CACNA2D3: variants seen among roughly 807,000 people sequenced by gnomAD.
CACNA2D3 encodes calcium voltage-gated channel auxiliary subunit alpha2delta 3.
In CACNA2D3, 60 loss-of-function variants were observed where a neutral mutation model predicts 160.6. That is an observed-to-expected ratio of 0.37 (90% CI 0.30 to 0.46). CACNA2D3 has a LOEUF of 0.46. Ranked by LOEUF, CACNA2D3 falls within the 20% of genes least tolerant of loss-of-function variation. The probability of loss-of-function intolerance (pLI) is 1.00; values close to 1 mark genes in which losing one functional copy is unlikely to be tolerated. For synonymous variants in CACNA2D3, 558 were observed against 492.9 expected (o/e 1.13, Z -1.75); for missense variants, 1,205 against 1,365.0 (o/e 0.88, Z 1.85).
chr3:54,240,265 C>T (rs1575337268), intron 2 of CACNA2D3, among the ~76,000 whole-genome samples: 1 of 151,986 alleles, frequency 6.6e-6, no homozygotes, highest in Non-Finnish European at 1.5e-5. Context: ...ATAGGAGCCA[C>T]CAAAGGGGCT....
intron 5 of CACNA2D3, among the ~76,000 whole-genome samples, chr3:54,505,140 CT>C (rs1291390112): frequency 6.6e-6 from 1 of 152,132 alleles, no homozygotes; most frequent in Non-Finnish European, 1.5e-5. Context: ...GTTATCCATC[CT>C]TAAGAGTCAG....
intron 2 of CACNA2D3, among the ~76,000 whole-genome samples, chr3:54,141,081 G>A (rs1286182696): frequency 1.2e-4 from 15 of 122,632 alleles, no homozygotes; most frequent in Non-Finnish European, 2.2e-4. Context: ...GTGTGTGTGT[G>A]TGTGTGCGCG....
chr3:54,867,246 G>T (rs1265192669), intron 17 of CACNA2D3, among the ~76,000 whole-genome samples: 1 of 152,092 alleles, frequency 6.6e-6, no homozygotes, highest in African/African-American at 2.4e-5. Flanking sequence ...TTGGACATAT[G>T]AGAATTTAGT....
intron 21 of CACNA2D3, among the ~76,000 whole-genome samples, chr3:54,881,119 T>A (rs1699786862): frequency 6.6e-6 from 1 of 152,208 alleles, no homozygotes; most frequent in African/African-American, 2.4e-5. Context: ...TCCACAAAGC[T>A]GTTGACTATG....
At chr3:54,643,847 ATG>A (rs1435100634) in intron 11 of CACNA2D3, among the ~76,000 whole-genome samples, 3 of 152,186 alleles carry the variant, frequency 2.0e-5, no homozygotes, top group African/African-American at 7.2e-5. Context: ...ATAAGTAAAC[ATG>A]AGTAGGGCCA....
chr3:54,190,243 G>C (rs952267554), intron 2 of CACNA2D3, among the ~76,000 whole-genome samples: 7 of 152,172 alleles, frequency 4.6e-5, no homozygotes, highest in African/African-American at 2.4e-5. Context: ...CATGAATTTC[G>C]GGGGCACACA....
chr3:54,194,067 C>T (rs1338674793), intron 2 of CACNA2D3, among the ~76,000 whole-genome samples: 8 of 149,616 alleles, frequency 5.3e-5, no homozygotes, highest in Non-Finnish European at 7.4e-5. Context: ...TACGAGGGGG[C>T]GGGAAGGGTG....
At chr3:54,971,488 G>A (rs1415106067) in intron 29 of CACNA2D3, among the ~76,000 whole-genome samples, 1 of 152,166 alleles carries the variant, frequency 6.6e-6, no homozygotes, top group Admixed American at 6.5e-5. Flanking sequence ...TTGTACAGAT[G>A]GTTGGACGGG....
chr3:54,911,775 G>A (rs1052572322), intron 27 of CACNA2D3, among the ~76,000 whole-genome samples: 2 of 152,068 alleles, frequency 1.3e-5, no homozygotes, highest in African/African-American at 4.8e-5. Context: ...GTAATATCAT[G>A]TCACTCTTCT....
intron 9 of CACNA2D3, chr3:54,626,684 C>CAAAAAAAAAAAAAA (rs71096430): frequency 3.4e-4 from 108 of 318,148 alleles, no homozygotes; most frequent in South Asian, 4.1e-4. Context: ...TGGTTCCAGT[C>CAAAAAAAAAAAAAA]AAAAAAAAAA....
rs572784974 is a variant in CACNA2D3 at position 54,249,178 on chromosome 3, C to T, written c.205-71264C>T. Among the ~76,000 whole-genome samples the T allele has an allele frequency of 2.6e-5, 4 of 152,140 alleles. No homozygotes were observed. In the South Asian group the frequency reaches 6.2e-4, roughly 24 times the overall value. ...TTATCATACTAGGAAGAAGTATGAC[C>T]TTGTTGTTGTTTTCGTTTGGAGATT... is the stretch of plus-strand genomic sequence containing the variant. On this transcript the variant is annotated intron_variant, in intron 2 of 37. Transcript: ENST00000474759.
At chr3:54,387,549 A>G (rs1471753508) in intron 4 of CACNA2D3, among the ~76,000 whole-genome samples, 1 of 152,130 alleles carries the variant, frequency 6.6e-6, no homozygotes, top group Non-Finnish European at 1.5e-5. Context: ...CTACTTGGGA[A>G]ACTGAGGCAG....
rs533180567 is a variant in CACNA2D3, at chr3:55,043,626, C to A, written c.2987+25309C>A. ...TGTCTTAATAGTATCTTGCACAGAG[C>A]AGAAAGTATTTTATTTCATTGAAAT... On this transcript the variant is annotated intron_variant, in intron 35 of 37. Coordinates refer to ENST00000474759, the MANE Select transcript of CACNA2D3 (RefSeq NM_018398.3). 2.0e-5 allele frequency among the ~76,000 whole-genome samples: 3 copies of A among 152,192 alleles called. No homozygotes were observed. The East Asian group carries it at 5.8e-4, about 29-fold the overall frequency.
intron 27 of CACNA2D3, among the ~76,000 whole-genome samples, chr3:54,958,965 G>A (rs1701968034): frequency 6.6e-6 from 1 of 152,136 alleles, no homozygotes; most frequent in South Asian, 2.1e-4. Context: ...TTGAGGCATG[G>A]TGGCACATGC....
chr3:54,493,345 A>G (rs1199473024), intron 4 of CACNA2D3, among the ~76,000 whole-genome samples: 1 of 152,098 alleles, frequency 6.6e-6, no homozygotes, highest in Non-Finnish European at 1.5e-5. Context: ...CCAAAATGTT[A>G]GGATTTCAGG....
Position 55,036,752 on chromosome 3 carries a change from C to G in CACNA2D3, c.2987+18435C>G, listed in dbSNP as rs1029619911. 8.5e-5 allele frequency among the ~76,000 whole-genome samples: 13 copies of G among 152,266 alleles called. No homozygotes were observed. The East Asian group carries it at 1.9e-3, about 23-fold the overall frequency. Reference sequence around the variant, plus strand: ...AAGTGCTGGGATTACAGGCGTGAGCCACTGCGCTCGGCCGTGTTTTATTTT... The same window carrying G: ...AAGTGCTGGGATTACAGGCGTGAGCGACTGCGCTCGGCCGTGTTTTATTTT... On this transcript the variant is annotated intron_variant, in intron 35 of 37. Transcript: ENST00000474759.
At chr3:54,459,639 T>G (rs1156376774) in intron 4 of CACNA2D3, among the ~76,000 whole-genome samples, 1 of 151,944 alleles carries the variant, frequency 6.6e-6, no homozygotes, top group African/African-American at 2.4e-5. Flanking sequence ...TTCTTGTAAA[T>G]TTGTTTGAGT....
At chr3:54,889,195 C>T (rs1008906880) in intron 24 of CACNA2D3, among the ~76,000 whole-genome samples, 2 of 152,084 alleles carry the variant, frequency 1.3e-5, no homozygotes, top group African/African-American at 2.4e-5. Flanking sequence ...TGGCTCAGGA[C>T]CTTGGGAGTC....
chr3:54,424,165 CA>C (rs1699879682), intron 4 of CACNA2D3, among the ~76,000 whole-genome samples: 1 of 152,074 alleles, frequency 6.6e-6, no homozygotes, highest in African/African-American at 2.4e-5. Context: ...AATTTTTGAA[CA>C]AGGGGCCCTG....
Sources: gnomAD v4.1 joint callset for allele counts (sites outside exome capture counted in the v4.1 genomes callset) on GRCh38, gnomAD v4.1.1 for gene constraint, MANE v1.5 for transcripts, NCBI Gene and HGNC (gene_info 2026-07-23, HGNC 2026-07-21) for gene names.